Variants in DEFB128 observed in about 807,000 individuals in gnomAD.
DEFB128 encodes beta-defensin 128.
In DEFB128, 1 loss-of-function variant was observed where a neutral mutation model predicts 2.4. The ratio of observed to expected loss-of-function variants is 0.41; its 90% confidence interval spans 0.15 to 1.96. DEFB128 has a LOEUF of 1.96. Among genes scored for constraint, DEFB128 ranks in the 30% most tolerant of loss-of-function variants. DEFB128 has a pLI of 0.30. For synonymous variants in DEFB128, 59 were observed against 39.1 expected, an observed-to-expected ratio of 1.51 and a Z score of -1.89; for missense variants, 129 against 104.9, an observed-to-expected ratio of 1.23 and a Z score of -1.00.
chr20:188,621 G>C (rs1040461332), intron 1 of DEFB128, among the ~76,000 whole-genome samples: 1 of 152,190 alleles, frequency 6.6e-6, no homozygotes, highest in African/African-American at 2.4e-5. Flanking sequence ...ATGGGCAACA[G>C]AAATCTCCCT....
At chr20:188,458 T>G (rs1419296274) in intron 1 of DEFB128, among the ~76,000 whole-genome samples, 2 of 152,164 alleles carry the variant, frequency 1.3e-5, no homozygotes, top group East Asian at 3.8e-4. Flanking sequence ...CAGCACTCTC[T>G]CAGCTCCATC....
chr20:189,686 G>T lies in DEFB128; in HGVS notation c.-63C>A. 2 of 1,573,668 alleles carry T rather than the reference G, an allele frequency of 1.3e-6. No homozygotes were observed. The highest frequency in any genetic ancestry group is 1.7e-5 in the Admixed American group (1 of 59,414). On this transcript the variant is annotated 5_prime_UTR_variant, in exon 1 of 2. Transcript: ENST00000334391. ...TTGTCCAGTGGTCTGTGTGCCACAGGTCTTTAAAGATGATCCAGAGTTTTG... is the reference window on the plus strand; with the variant it reads ...TTGTCCAGTGGTCTGTGTGCCACAGTTCTTTAAAGATGATCCAGAGTTTTG...
Position 187,926 on chromosome 20 carries a change from T to C in DEFB128, c.242A>G (p.Asp81Gly), listed in dbSNP as rs781153369. The C allele has an allele frequency of 3.7e-6, 6 of 1,613,990 alleles. No individual in the cohort carries two copies. Among genetic ancestry groups the C allele is most frequent in the Non-Finnish European group, 4.2e-6 (5 of 1,179,924 alleles). ...GGTGATGGTGGGTAAGATGATGTAA[T>C]CCTGCAGCACACTCAGCTTCTCACC... ...HSGEKLSVLQ[D>G]YIILPTITIF... Residue 81 changes from aspartate to glycine, a missense_variant, in exon 2 of 2, where the codon GAT becomes GGT. Asp to Gly is a moderately conservative substitution (Grantham distance 94). Coordinates refer to ENST00000334391, the MANE Select transcript of DEFB128 (RefSeq NM_001037732.3).
In DEFB128 at chr20:187,863, C is replaced by T. The variant is rs145684685; in HGVS notation, c.*23G>A. Reference sequence around the variant, plus strand: ...TTTATTTAGGAAGAGTGGAGACCAGCGAGACAAGGGCTAGATTTAGGATTA... The same window carrying T: ...TTTATTTAGGAAGAGTGGAGACCAGTGAGACAAGGGCTAGATTTAGGATTA... On this transcript the variant is annotated 3_prime_UTR_variant, in exon 2 of 2. Coordinates refer to ENST00000334391, the MANE Select transcript of DEFB128 (RefSeq NM_001037732.3). 7.1e-5 allele frequency: 115 copies of T among 1,611,990 alleles called. No homozygotes were observed. Among genetic ancestry groups the T allele is most frequent in the African/African-American group, 4.1e-4 (31 of 74,934 alleles).
chr20:188,173 A>T, intron 1 of DEFB128, 55 bp from the exon 2 acceptor site: 1 of 1,533,498 alleles, frequency 6.5e-7, no homozygotes, highest in Non-Finnish European at 9.0e-7. Context: ...AGAGCAGAAG[A>T]GGTAGGTATG....
At chr20:189,446 G>A (rs1029302805) in intron 1 of DEFB128, 129 bp downstream of exon 1, 2 of 1,041,114 alleles carry the variant, frequency 1.9e-6, no homozygotes, top group Non-Finnish European at 2.9e-6. Context: ...ATAGACTCAA[G>A]TCAGGCAACC....
chr20:189,491 A>G, intron 1 of DEFB128, 84 bp downstream of exon 1: 1 of 1,497,698 alleles, frequency 6.7e-7, no homozygotes, highest in Non-Finnish European at 9.2e-7. Flanking sequence ...TTTTGGCCAA[A>G]TATAAATAAT....
Position 189,563 on chromosome 20 carries a change from T to G in DEFB128, c.49+12A>C, listed in dbSNP as rs1180209381. 6.2e-7 allele frequency: 1 copy of G among 1,612,788 alleles called. No homozygotes were observed. The highest frequency in any genetic ancestry group is 1.7e-5 in the Admixed American group (1 of 59,996). ...ATCTCTTAGGATGTTATAGTACATT[T>G]GGACAAGTTACCTGTGAGTACCTCA... On this transcript the variant is annotated intron_variant, in intron 1 of 1. Transcript: ENST00000334391.
rs771533725 is a variant in DEFB128 at position 188,078 on chromosome 20, G to A, written c.90C>T (p.Gly30=). The A allele has an allele frequency of 3.7e-5, 59 of 1,613,826 alleles. No homozygotes were observed. In the Admixed American group the frequency reaches 9.2e-4, roughly 25 times the overall value. ...RLKKCFNKVT[G]YCRKKCKVGE... is the part of the protein sequence containing the mutation. ...CTACCTTGCATTTCTTCCTGCAATA[G>A]CCTGTTACTTTATTGAAGCATTTTT... Residue 30 remains glycine (G), a synonymous_variant, in exon 2 of 2, where the codon GGC becomes GGT. Coordinates refer to ENST00000334391, the MANE Select transcript of DEFB128 (RefSeq NM_001037732.3).
intron 1 of DEFB128, among the ~76,000 whole-genome samples, chr20:188,548 C>A (rs2046623002): frequency 6.6e-6 from 1 of 152,188 alleles, no homozygotes; most frequent in South Asian, 2.1e-4. Context: ...TCAGCCAAAG[C>A]AACTTTTGAA....
chr20:188,688 C>A (rs2011115928), intron 1 of DEFB128, among the ~76,000 whole-genome samples: 1 of 152,220 alleles, frequency 6.6e-6, no homozygotes, highest in South Asian at 2.1e-4. Flanking sequence ...CTTCCCTTAA[C>A]CTGGCTCCTC....
chr20:188,406 A>G (rs564674177), intron 1 of DEFB128, among the ~76,000 whole-genome samples: 1 of 152,268 alleles, frequency 6.6e-6, no homozygotes, highest in East Asian at 1.9e-4. Context: ...TCCCACCCCT[A>G]GGACCATGGC....
rs2011119869 is a variant in DEFB128, at chr20:189,616, A to G, written c.8T>C (p.Leu3Pro). 2 of 1,613,918 alleles carry G rather than the reference A, an allele frequency of 1.2e-6. No homozygotes were observed. The highest frequency in any genetic ancestry group is 1.1e-5 in the South Asian group (1 of 91,076). The part of the protein sequence containing the change: MK[L>P]FLVLIILLFE... The stretch of plus-strand genomic sequence containing the variant: ...CAGCAGAATAATGAGAACCAGAAAC[A>G]GCTTCATATTTACAGACTTCCCAAG... The change falls in exon 1 of 2, where the codon CTG becomes CCG. Residue 3 changes from leucine (L) to proline (P), a missense_variant. Coordinates refer to ENST00000334391, the MANE Select transcript of DEFB128 (RefSeq NM_001037732.3).
chr20:189,689 T>C lies in DEFB128; in HGVS notation c.-66A>G, dbSNP rs1051347760. 1.3e-6 allele frequency: 2 copies of C among 1,559,002 alleles called. No individual in the cohort carries two copies. The highest frequency in any genetic ancestry group is 1.8e-6 in the Non-Finnish European group (2 of 1,132,184). On this transcript the variant is annotated 5_prime_UTR_variant, in exon 1 of 2. Transcript: ENST00000334391. ...TCCAGTGGTCTGTGTGCCACAGGTCTTTAAAGATGATCCAGAGTTTTGAGA... is the reference window on the plus strand; with the variant it reads ...TCCAGTGGTCTGTGTGCCACAGGTCCTTAAAGATGATCCAGAGTTTTGAGA...
rs373187977 is a variant in DEFB128, at chr20:189,555, A to G, written c.49+20T>C. The G allele has an allele frequency of 3.1e-6, 5 of 1,608,828 alleles. No individual in the cohort carries two copies. The African/African-American group carries it at 6.7e-5, about 22-fold the overall frequency. ...ATAGTAATATCTCTTAGGATGTTAT[A>G]GTACATTTGGACAAGTTACCTGTGA... is the stretch of plus-strand genomic sequence containing the variant. On this transcript the variant is annotated intron_variant, in intron 1 of 1. Transcript: ENST00000334391.
rs778758351 is a variant in DEFB128 at position 188,045 on chromosome 20, T to C, written c.123A>G (p.Arg41=). 6.2e-7 allele frequency: 1 copy of C among 1,614,110 alleles called. No homozygotes were observed. Among genetic ancestry groups the C allele is most frequent in the East Asian group, 2.2e-5 (1 of 44,878 alleles). ...YCRKKCKVGE[R]YEIGCLSGKL... ...TCCCACTTAGACATCCTATTTCATATCTTTCTCCTACCTTGCATTTCTTCC... is the reference window on the plus strand; with the variant it reads ...TCCCACTTAGACATCCTATTTCATACCTTTCTCCTACCTTGCATTTCTTCC... The change falls in exon 2 of 2, where the codon AGA becomes AGG. Residue 41 remains arginine, a synonymous_variant. Coordinates refer to ENST00000334391, the MANE Select transcript of DEFB128 (RefSeq NM_001037732.3).
At chr20:189,177 C>T (rs1319904306) in intron 1 of DEFB128, among the ~76,000 whole-genome samples, 1 of 152,170 alleles carries the variant, frequency 6.6e-6, no homozygotes. Context: ...ATTCATACAA[C>T]CCGTCAATGA....
chr20:189,584 C>T lies in DEFB128; in HGVS notation c.40G>A (p.Val14Ile), dbSNP rs142647569. The change falls in exon 1 of 2, where the codon GTA (valine) becomes ATA (isoleucine). Residue 14 changes from valine (V) to isoleucine (I), a missense_variant. Transcript: ENST00000334391. ...CATTTGGACAAGTTACCTGTGAGTA[C>T]CTCAAACAGCAGAATAATGAGAACC... ...FLVLIILLFEVLTDGARLKKC... is the reference protein window; with the variant it reads ...FLVLIILLFEILTDGARLKKC... 5.1e-4 allele frequency: 828 copies of T among 1,613,808 alleles called. 1 individual carries two copies. Among genetic ancestry groups the T allele is most frequent in the Non-Finnish European group, 6.5e-4 (766 of 1,179,796 alleles).
Position 188,676 on chromosome 20 carries a change from T to A in DEFB128, c.50-558A>T, listed in dbSNP as rs572637090. Among the ~76,000 whole-genome samples, 566 of 152,302 alleles carry A rather than the reference T, an allele frequency of 3.7e-3. 5 individuals are homozygous for A. The highest frequency in any genetic ancestry group is 0.014 in the Middle Eastern group (4 of 294). ...CTCAGCAACAGGTGCTATTGAGAAC[T>A]CCTTCCCTTAACCTGGCTCCTCCTG... On this transcript the variant is annotated intron_variant, in intron 1 of 1. Transcript: ENST00000334391.
Sources: allele counts gnomAD v4.1 joint callset (sites outside exome capture counted in the v4.1 genomes callset), GRCh38; gene constraint gnomAD v4.1.1; transcripts MANE v1.5; gene names NCBI Gene and HGNC (gene_info 2026-07-23, HGNC 2026-07-21).